Variants in SMS observed in about 807,000 individuals in gnomAD.
SMS encodes the protein spermidine aminopropyltransferase.
In SMS, 3 loss-of-function variants were observed where a neutral mutation model predicts 33.0. That is an observed-to-expected ratio of 0.09 (90% CI 0.04 to 0.23). SMS has a LOEUF of 0.23. Among genes scored for constraint, SMS ranks in the 10% least tolerant of loss-of-function variants. The pLI is 1.00. For synonymous variants in SMS, 103 were observed against 112.2 expected, an observed-to-expected ratio of 0.92 and a Z score of 0.52; for missense variants, 117 against 288.6, an observed-to-expected ratio of 0.41 and a Z score of 4.31.
At chrX:21,950,097 C>A (rs1222352418) in intron 1 of SMS, among the ~76,000 whole-genome samples, 2 of 111,730 alleles carry the variant, frequency 1.8e-5, no homozygotes, top group African/African-American at 3.3e-5. Flanking sequence ...AAGATGGGGT[C>A]TTGCTGTGTT....
At position 21,947,255 on chromosome X, in the gene SMS, C is replaced by G. The variant is rs902809926; in HGVS notation, c.49+6382C>G. Among the ~76,000 whole-genome samples, 3 of 111,617 alleles carry G rather than the reference C, an allele frequency of 2.7e-5. No homozygotes were observed. The Admixed American group carries it at 2.9e-4, about 11-fold the overall frequency. The stretch of plus-strand genomic sequence containing the variant: ...CTTTAATCCCCCATTGTGATAACAC[C>G]GCAGGCACAGACGCTGTTGCTTTAA... On this transcript the variant is annotated intron_variant, in intron 1 of 10. Coordinates refer to ENST00000404933, the MANE Select transcript of SMS (RefSeq NM_004595.5).
chrX:21,942,671 C>CTG (rs893193419), intron 1 of SMS, among the ~76,000 whole-genome samples: 1 of 110,539 alleles, frequency 9.0e-6, no homozygotes, highest in African/African-American at 3.3e-5. Flanking sequence ...AGCCTTAGGG[C>CTG]TGAATGGTTA....
At chrX:21,976,376 C>T (rs1205515373) in intron 4 of SMS, among the ~76,000 whole-genome samples, 1 of 110,949 alleles carries the variant, frequency 9.0e-6, no homozygotes, top group East Asian at 2.8e-4. Flanking sequence ...ACAGACTTAG[C>T]ATCACCAATA....
intron 7 of SMS, among the ~76,000 whole-genome samples, chrX:21,982,930 C>T (rs1279928379): frequency 8.9e-6 from 1 of 112,287 alleles, no homozygotes; most frequent in Non-Finnish European, 1.9e-5. Flanking sequence ...AGTTATAAAA[C>T]AATAGGACAG....
chrX:21,950,834 T>G (rs770130599), intron 1 of SMS, among the ~76,000 whole-genome samples: 1 of 112,284 alleles, frequency 8.9e-6, no homozygotes, highest in South Asian at 3.7e-4. Flanking sequence ...ATTTTCTTTA[T>G]CCAGTCTATC....
At chrX:21,959,481 T>C (rs771442407) in intron 1 of SMS, among the ~76,000 whole-genome samples, 10 of 111,602 alleles carry the variant, frequency 9.0e-5, no homozygotes, top group Non-Finnish European at 1.9e-4. Flanking sequence ...TGTCATTCTT[T>C]TCAGAGGGGT....
In SMS at chrX:21,994,388, C is replaced by G. The variant is rs1480464885; in HGVS notation, c.*37C>G. Reference sequence around the variant, plus strand: ...CCCTAATCACATGTGCTGCAAATAGCCTTCCTGACCTCCATATGCTGTACA... The same window carrying G: ...CCCTAATCACATGTGCTGCAAATAGGCTTCCTGACCTCCATATGCTGTACA... On this transcript the variant is annotated 3_prime_UTR_variant, in exon 11 of 11. Coordinates refer to ENST00000404933, the MANE Select transcript of SMS (RefSeq NM_004595.5). The G allele has an allele frequency of 2.5e-6, 3 of 1,192,167 alleles. No individual in the cohort carries two copies. The highest frequency in any genetic ancestry group is 3.4e-6 in the Non-Finnish European group (3 of 879,449).
rs753600774 is a variant in SMS, at chrX:21,972,579, C to T, written c.329+8C>T. ...TACTGGGCGGGTGAAACGGTAAGTC[C>T]ACTCTTGAATGTCCTTTTATATTTA... On this transcript the variant is annotated splice_region_variant and intron_variant, in intron 4 of 10. Coordinates refer to ENST00000404933, the MANE Select transcript of SMS (RefSeq NM_004595.5). The T allele has an allele frequency of 8.8e-7, 1 of 1,130,698 alleles. No individual in the cohort carries two copies. The highest frequency in any genetic ancestry group is 1.8e-5 in the South Asian group (1 of 55,044). The allele number at this position is 1,130,698 out of a possible 1,213,427, so 93.2% of individuals were successfully genotyped here.
Position 21,942,819 on chromosome X carries a change from A to G in SMS, c.49+1946A>G, listed in dbSNP as rs1376742750. ...ACTCACCTGTATTTATCGTCCATGG[A>G]TTTTCTTAACTTTTTTTTTTTTTTT... On this transcript the variant is annotated intron_variant, in intron 1 of 10. Transcript: ENST00000404933. 3.5e-5 allele frequency among the ~76,000 whole-genome samples: 3 copies of G among 84,587 alleles called. No homozygotes were observed. In the East Asian group the frequency reaches 1.1e-3, roughly 32 times the overall value. The allele number at this position is 84,587 out of a possible 115,157, so 73.5% of individuals were successfully genotyped here. A position where few individuals can be genotyped will look rare whatever the true frequency, so the allele number is the denominator to read the frequency against.
At position 21,977,264 on chromosome X, in the gene SMS, C is replaced by T. The variant is rs1027161126; in HGVS notation, c.505+28C>T. 1.3e-5 allele frequency: 15 copies of T among 1,129,281 alleles called. No individual in the cohort carries two copies. The East Asian group carries it at 1.8e-4, about 13-fold the overall frequency. The allele number at this position is 1,129,281 out of a possible 1,213,427, so 93.1% of individuals were successfully genotyped here. A position where few individuals can be genotyped will look rare whatever the true frequency, so the allele number is the denominator to read the frequency against. On this transcript the variant is annotated intron_variant, in intron 5 of 10. Coordinates refer to ENST00000404933, the MANE Select transcript of SMS (RefSeq NM_004595.5). ...AAGTATTCCATCCCTGCCCCGATCA[C>T]GTAACAAAGTGGTGATGTGTTGAAT...
intron 7 of SMS, among the ~76,000 whole-genome samples, chrX:21,981,393 AAGT>A (rs909203926): frequency 1.8e-5 from 2 of 111,912 alleles, no homozygotes; most frequent in Non-Finnish European, 3.8e-5. Flanking sequence ...AGGGGTTTAA[AAGT>A]AGACCAACTG....
intron 1 of SMS, 75 bp downstream of exon 1, chrX:21,940,948 G>A (rs1415776597): frequency 1.9e-5 from 11 of 582,508 alleles, no homozygotes; most frequent in Non-Finnish European, 2.4e-5. Flanking sequence ...CGGGGGTCGG[G>A]CGTGGCGTGC....
intron 1 of SMS, among the ~76,000 whole-genome samples, chrX:21,961,401 C>G (rs1208848821): frequency 9.1e-6 from 1 of 110,382 alleles, no homozygotes; most frequent in Non-Finnish European, 1.9e-5. Flanking sequence ...AGGGAAGTAA[C>G]AAGCCTGATT....
chrX:21,984,218 CT>C (rs1202532204), intron 7 of SMS, 85 bp from the exon 8 acceptor site: 3 of 663,063 alleles, frequency 4.5e-6, no homozygotes, highest in Non-Finnish European at 7.5e-6. Flanking sequence ...ATACTTGGCG[CT>C]TTTTTCCTCC....
chrX:21,987,769 G>A (rs181048701), intron 9 of SMS, among the ~76,000 whole-genome samples: 359 of 112,656 alleles, frequency 3.2e-3, no homozygotes, highest in Non-Finnish European at 4.3e-3. Context: ...TCAGTCTGTA[G>A]TACAAAAGGC....
rs192279096 is a variant in SMS, at chrX:21,951,206, C to T, written c.49+10333C>T. On this transcript the variant is annotated intron_variant, in intron 1 of 10. Coordinates refer to ENST00000404933, the MANE Select transcript of SMS (RefSeq NM_004595.5). ...TTCTCTAATGACCAGTGATGATGAG[C>T]TTTTTTCCCATATGTTTGTTGGCTG... Among the ~76,000 whole-genome samples the T allele has an allele frequency of 2.9e-3, 330 of 112,422 alleles. 2 individuals carry two copies. Among genetic ancestry groups the T allele is most frequent in the African/African-American group, 0.01 (318 of 30,956 alleles).
intron 1 of SMS, among the ~76,000 whole-genome samples, chrX:21,948,570 A>G (rs1922396517): frequency 9.2e-6 from 1 of 109,145 alleles, no homozygotes. Flanking sequence ...GGCCTTAGCT[A>G]CCTTCTCAGG....
At chrX:21,951,949 A>G (rs1322043851) in intron 1 of SMS, among the ~76,000 whole-genome samples, 1 of 111,852 alleles carries the variant, frequency 8.9e-6, no homozygotes. Flanking sequence ...TGATACTGTC[A>G]CAAGTAGATA....
intron 1 of SMS, among the ~76,000 whole-genome samples, chrX:21,954,881 G>GGAT (rs1569343007): frequency 9.0e-6 from 1 of 111,042 alleles, no homozygotes; most frequent in Non-Finnish European, 1.9e-5. Context: ...CTGTTGCCCA[G>GGAT]GATGAAGTGC....
Sources: gnomAD v4.1 joint callset for allele counts (sites outside exome capture counted in the v4.1 genomes callset) on GRCh38, gnomAD v4.1.1 for gene constraint, MANE v1.5 for transcripts, NCBI Gene and HGNC (gene_info 2026-07-23, HGNC 2026-07-21) for gene names.